GSDMC: variants seen among roughly 807,000 people sequenced by gnomAD.
GSDMC encodes gasdermin-C.
Under a neutral mutation model 58.0 loss-of-function variants are expected in GSDMC, and 59 were observed. The ratio of observed to expected loss-of-function variants is 1.02; its 90% CI spans 0.82 to 1.26. The LOEUF (loss-of-function observed/expected upper bound fraction) is 1.26, where lower values mean the gene tolerates loss of function less well. Ranked by LOEUF, GSDMC falls within the 50% of genes most tolerant of loss-of-function variation. The pLI is 0.00. For missense variants in GSDMC, 659 were observed against 598.5 expected, an observed-to-expected ratio of 1.10 and a Z score of -1.06; for synonymous variants, 241 against 220.2, an observed-to-expected ratio of 1.09 and a Z score of -0.83.
At chr8:129,749,411 C>G in intron 13 of GSDMC, 41 bp downstream of exon 13, 1 of 1,364,702 alleles carries the variant, frequency 7.3e-7, no homozygotes, top group Non-Finnish European at 1.0e-6. Flanking sequence ...CTGGTTCCCT[C>G]ACCCTCTTCC....
At chr8:129,752,950 AC>A in intron 6 of GSDMC, 130 bp from the exon 7 acceptor site, 3 of 1,449,306 alleles carry the variant, frequency 2.1e-6, no homozygotes, top group Non-Finnish European at 2.8e-6. Flanking sequence ...TTTGAACAAG[AC>A]CCACTCAAAG....
chr8:129,735,363 G>A, the GSDMC span, among the ~76,000 whole-genome samples: 1 of 152,160 alleles, frequency 6.6e-6, no homozygotes, highest in African/African-American at 2.4e-5. Flanking sequence ...ATTCTTCTCA[G>A]CACCACATCG....
Position 129,783,320 on chromosome 8 carries a change from A to C in GSDMC, c.-5+2691T>G, listed in dbSNP as rs56391755. Among the ~76,000 whole-genome samples the C allele has an allele frequency of 4.7e-3, 711 of 152,328 alleles. 7 individuals carry two copies. The highest frequency in any genetic ancestry group is 0.015 in the African/African-American group (615 of 41,584). ...GTCAAATTGTCCTTGTTTGTGGATG[A>C]TGTGGTCTTATATATGGAACAAACT... On this transcript the variant is annotated intron_variant, in intron 1 of 13. Transcript: ENST00000276708.
intron 4 of GSDMC, among the ~76,000 whole-genome samples, chr8:129,764,427 T>TG (rs1293536946): frequency 1.3e-5 from 2 of 152,204 alleles, no homozygotes; most frequent in African/African-American, 4.8e-5. Context: ...AGAGATGTGA[T>TG]GCCTGGAGCT....
At chr8:129,736,063 G>A in the GSDMC span, among the ~76,000 whole-genome samples, 2 of 152,096 alleles carry the variant, frequency 1.3e-5, no homozygotes, top group Non-Finnish European at 2.9e-5. Flanking sequence ...TAGAAGAAAT[G>A]GATAAATTCC....
chr8:129,749,101 C>T (rs2033065340), intron 13 of GSDMC, among the ~76,000 whole-genome samples: 1 of 152,148 alleles, frequency 6.6e-6, no homozygotes, highest in Non-Finnish European at 1.5e-5. Context: ...CAAATCATAA[C>T]AGTGTAACTA....
Position 129,765,647 on chromosome 8 carries a change from A to C in GSDMC, c.551T>G (p.Leu184Arg). Reference sequence around the variant, plus strand: ...TTATACCTTGCCATAGGTAATCCAAAGAGCAATTTTCCCTAAAATATTCAC... The same window carrying C: ...TTATACCTTGCCATAGGTAATCCAACGAGCAATTTTCCCTAAAATATTCAC... ...SSVNILGKIA[L>R]WITYGKGQGQ... The change falls in exon 4 of 14, where the codon CTT becomes CGT. Residue 184 changes from leucine to arginine, a missense_variant. Physicochemically the swap from Leu to Arg is moderately radical, Grantham distance 102. Transcript: ENST00000276708. 6.2e-7 allele frequency: 1 copy of C among 1,613,600 alleles called. No homozygotes were observed. Among genetic ancestry groups the C allele is most frequent in the Non-Finnish European group, 8.5e-7 (1 of 1,179,532 alleles).
the GSDMC span, among the ~76,000 whole-genome samples, chr8:129,725,930 T>A: frequency 6.6e-6 from 1 of 152,196 alleles, no homozygotes; most frequent in Non-Finnish European, 1.5e-5. Context: ...AGATAATGAA[T>A]CCCAAGATTC....
intron 3 of GSDMC, among the ~76,000 whole-genome samples, chr8:129,770,577 T>C (rs1450865028): frequency 6.6e-6 from 1 of 152,128 alleles, no homozygotes; most frequent in Admixed American, 6.5e-5. Flanking sequence ...TAGGATATTA[T>C]AACTATAAGA....
At chr8:129,765,022 C>T (rs529323028) in intron 4 of GSDMC, among the ~76,000 whole-genome samples, 1 of 152,266 alleles carries the variant, frequency 6.6e-6, no homozygotes, top group East Asian at 1.9e-4. Flanking sequence ...TAAGTAAAGA[C>T]AAATTACACA....
In GSDMC at chr8:129,750,542, G is replaced by A. The variant is rs2033147807; in HGVS notation, c.972C>T (p.Phe324=). ...QNFKHLQEEV[F]QKIKTLAQLS... The stretch of plus-strand genomic sequence containing the variant: ...GCTGAGCCAGTGTCTTTATTTTCTG[G>A]AAAACCTCCTCTTGTAGATGCTTGA... Residue 324 remains phenylalanine (F), a synonymous_variant, in exon 11 of 14, where the codon TTC becomes TTT. Coordinates refer to ENST00000276708, the MANE Select transcript of GSDMC (RefSeq NM_031415.3). 9 of 1,613,912 alleles carry A rather than the reference G, an allele frequency of 5.6e-6. No homozygotes were observed. Among genetic ancestry groups the A allele is most frequent in the Non-Finnish European group, 7.6e-6 (9 of 1,179,938 alleles).
At chr8:129,739,896 G>A in the GSDMC span, among the ~76,000 whole-genome samples, 2 of 152,116 alleles carry the variant, frequency 1.3e-5, no homozygotes, top group Non-Finnish European at 2.9e-5. Context: ...TGTTATCCTA[G>A]GAGATGACAC....
At chr8:129,705,765 T>TG in the GSDMC span, among the ~76,000 whole-genome samples, 1 of 152,108 alleles carries the variant, frequency 6.6e-6, no homozygotes, top group African/African-American at 2.4e-5. Flanking sequence ...AGATGGTTAA[T>TG]TGGATGCAGA....
intron 10 of GSDMC, 85 bp downstream of exon 10, chr8:129,751,457 G>T (rs2033186149): frequency 1.8e-6 from 2 of 1,115,150 alleles, no homozygotes; most frequent in African/African-American, 1.6e-5. Context: ...CTCAGTTTCT[G>T]ACTTGCATAG....
the GSDMC span, among the ~76,000 whole-genome samples, chr8:129,730,628 C>T: frequency 3.6e-4 from 55 of 152,312 alleles, no homozygotes; most frequent in African/African-American, 1.3e-3. Flanking sequence ...AAAAATCACA[C>T]AATATACAGA....
the GSDMC span, among the ~76,000 whole-genome samples, chr8:129,726,150 G>T: frequency 2.0e-5 from 3 of 152,166 alleles, no homozygotes; most frequent in South Asian, 2.1e-4. Flanking sequence ...TTTTACCAAG[G>T]CATGGCTTTT....
chr8:129,714,748 C>T, the GSDMC span, among the ~76,000 whole-genome samples: 5 of 151,548 alleles, frequency 3.3e-5, no homozygotes, highest in African/African-American at 1.2e-4. Flanking sequence ...ACCAGCAGAC[C>T]TGCTTGAAAA....
the GSDMC span, among the ~76,000 whole-genome samples, chr8:129,721,065 C>A: frequency 6.6e-6 from 1 of 152,190 alleles, no homozygotes; most frequent in Non-Finnish European, 1.5e-5. Flanking sequence ...GGCACTGGGA[C>A]AAGAAACCAT....
intron 4 of GSDMC, among the ~76,000 whole-genome samples, chr8:129,765,166 C>A (rs1387744248): frequency 6.6e-6 from 1 of 152,108 alleles, no homozygotes; most frequent in Non-Finnish European, 1.5e-5. Flanking sequence ...TGACTCATGT[C>A]AGTCACATGT....
Sources: gnomAD v4.1 joint callset for allele counts (sites outside exome capture counted in the v4.1 genomes callset) on GRCh38, gnomAD v4.1.1 for gene constraint, MANE v1.5 for transcripts, NCBI Gene and HGNC (gene_info 2026-07-23, HGNC 2026-07-21) for gene names.